MED27: variants seen among roughly 807,000 people sequenced by gnomAD.
The protein encoded by MED27 is mediator complex subunit 27.
Under a neutral mutation model 38.2 loss-of-function variants are expected in MED27, and 30 were observed. The ratio of observed to expected loss-of-function variants is 0.79; its 90% CI spans 0.59 to 1.07. The LOEUF is 1.07. Ranked by LOEUF, MED27 falls within the 50% of genes least tolerant of loss-of-function variation. The pLI is 0.00. For synonymous variants in MED27, 122 were observed against 153.5 expected (o/e 0.79, Z 1.52); for missense variants, 289 against 397.5 (o/e 0.73, Z 2.32).
chr9:131,954,442 C>T (rs71503130), intron 3 of MED27, among the ~76,000 whole-genome samples: 1 of 152,178 alleles, frequency 6.6e-6, no homozygotes, highest in African/African-American at 2.4e-5. Context: ...AGGAGTCTAC[C>T]TGAGACAGGT....
At chr9:132,027,736 C>A (rs1259735560) in intron 2 of MED27, among the ~76,000 whole-genome samples, 1 of 152,338 alleles carries the variant, frequency 6.6e-6, no homozygotes, top group Non-Finnish European at 1.5e-5. Context: ...AATAGTCATA[C>A]ATTTTGCTGC....
intron 6 of MED27, among the ~76,000 whole-genome samples, chr9:131,879,459 C>G (rs1838997058): frequency 6.6e-6 from 1 of 152,206 alleles, no homozygotes; most frequent in Non-Finnish European, 1.5e-5. Flanking sequence ...CTCTGCGGTT[C>G]TACCTCAGCT....
intron 4 of MED27, among the ~76,000 whole-genome samples, chr9:131,907,226 G>GTCTCCC (rs1198437093): frequency 1.3e-5 from 2 of 151,486 alleles, no homozygotes; most frequent in Non-Finnish European, 2.9e-5. Flanking sequence ...TCTCCCCACG[G>GTCTCCC]TCTCCCTCTC....
chr9:131,874,829 C>G (rs182777703), intron 6 of MED27, among the ~76,000 whole-genome samples: 1 of 152,302 alleles, frequency 6.6e-6, no homozygotes, highest in African/African-American at 2.4e-5. Flanking sequence ...AGAGTCCAAG[C>G]CCAAAGACAC....
chr9:131,930,230 A>C (rs1027593901), intron 4 of MED27, among the ~76,000 whole-genome samples: 3 of 152,228 alleles, frequency 2.0e-5, no homozygotes, highest in Non-Finnish European at 4.4e-5. Flanking sequence ...AAACTAGAGA[A>C]AGACAGCAAC....
chr9:131,883,080 T>C lies in MED27; in HGVS notation c.723+978A>G, dbSNP rs1839076986. Among the ~76,000 whole-genome samples the C allele has an allele frequency of 6.6e-6, 1 of 152,184 alleles. No individual in the cohort carries two copies. The highest frequency in any genetic ancestry group is 2.4e-5 in the African/African-American group (1 of 41,442). ...CCGCCACCATGCCCGGCTAATTTTA[T>C]ATTTTTAGTACAGACAGGGTTTTGC... On this transcript the variant is annotated intron_variant, in intron 6 of 7. Transcript: ENST00000292035. The surrounding 1 kb of genome is among the most constrained non-coding windows in gnomAD (Gnocchi z 4.2).
intron 2 of MED27, among the ~76,000 whole-genome samples, chr9:132,049,629 G>A (rs962903042): frequency 4.6e-5 from 7 of 152,272 alleles, no homozygotes; most frequent in South Asian, 4.1e-4. Context: ...CAGCCCAGCC[G>A]GGAAACCAGC....
chr9:132,048,670 C>A (rs148942727), intron 2 of MED27, among the ~76,000 whole-genome samples: 1 of 152,330 alleles, frequency 6.6e-6, no homozygotes, highest in African/African-American at 2.4e-5. Flanking sequence ...CCCCTCTGGA[C>A]CTGTCAGCTC....
rs891516866 is a variant in MED27 at position 131,860,926 on chromosome 9, G to A, written c.802-254C>T. 1.3e-5 allele frequency among the ~76,000 whole-genome samples: 2 copies of A among 152,094 alleles called. No individual in the cohort carries two copies. Among genetic ancestry groups the A allele is most frequent in the Non-Finnish European group, 1.5e-5 (1 of 68,018 alleles). ...AACCCCTACTCTCAAAAGCAGGAAG[G>A]CCTCCCTGGAGTCCCCGTGAACCAC... On this transcript the variant is annotated intron_variant, in intron 7 of 7. Transcript: ENST00000292035. This position sits in a 1 kb window ranked among gnomAD's most constrained non-coding sequence, Gnocchi z 5.8.
intron 2 of MED27, among the ~76,000 whole-genome samples, chr9:132,050,777 G>A (rs1052510748): frequency 3.3e-5 from 5 of 152,130 alleles, no homozygotes; most frequent in African/African-American, 9.7e-5. Flanking sequence ...CCGTCTTTCT[G>A]TAGCCCTTAT....
At chr9:132,047,871 G>A (rs892656217) in intron 2 of MED27, among the ~76,000 whole-genome samples, 8 of 151,972 alleles carry the variant, frequency 5.3e-5, no homozygotes, top group Admixed American at 3.3e-4. Context: ...AGCTAAAAAC[G>A]AAAACATTTA....
At chr9:131,994,906 A>G (rs1832058798) in intron 3 of MED27, among the ~76,000 whole-genome samples, 1 of 152,190 alleles carries the variant, frequency 6.6e-6, no homozygotes, top group Non-Finnish European at 1.5e-5. Flanking sequence ...GTTTACAGAC[A>G]GGTCACTCTG....
In MED27 at chr9:131,893,987, G is replaced by A. The variant is rs1829777193; in HGVS notation, c.579C>T (p.Thr193=). The A allele has an allele frequency of 1.2e-6, 2 of 1,613,710 alleles. No homozygotes were observed. The highest frequency in any genetic ancestry group is 2.7e-5 in the African/African-American group (2 of 74,906). Residue 193 remains threonine, a synonymous_variant, in exon 5 of 8, where the codon ACC becomes ACT. Transcript: ENST00000292035. ...PNGTSAMLLV[T]LGKVLKVIVV... is the part of the protein sequence containing the mutation. The stretch of plus-strand genomic sequence containing the variant: ...CGATCACTTTCAACACCTTTCCCAA[G>A]GTCACCTGCCAAAACACATGTAAGC...
chr9:131,874,026 T>C (rs1838880584), intron 6 of MED27, among the ~76,000 whole-genome samples: 3 of 152,202 alleles, frequency 2.0e-5, no homozygotes, highest in Admixed American at 2.0e-4. Flanking sequence ...CACAGCCACC[T>C]ACAGGATCCT....
intron 2 of MED27, among the ~76,000 whole-genome samples, chr9:132,059,544 A>AGCAT (rs1429833587): frequency 1.3e-5 from 2 of 152,232 alleles, no homozygotes; most frequent in Non-Finnish European, 2.9e-5. Context: ...CGAGAGATGC[A>AGCAT]GTCATGCTCT....
Position 131,863,145 on chromosome 9 carries a change from G to C in MED27, c.724-5C>G, listed in dbSNP as rs1306047830. On this transcript the variant is annotated splice_region_variant and splice_polypyrimidine_tract_variant and intron_variant, in intron 6 of 7. Transcript: ENST00000292035. ...AGTGGTGGCATGGTCTGTCACCTGA[G>C]AGTGAAGGACAAAGACGAGTTAGCG... The C allele has an allele frequency of 6.2e-7, 1 of 1,613,976 alleles. No homozygotes were observed. Among genetic ancestry groups the C allele is most frequent in the East Asian group, 2.2e-5 (1 of 44,880 alleles).
At chr9:132,031,573 GAA>G (rs1832961545) in intron 2 of MED27, among the ~76,000 whole-genome samples, 1 of 152,144 alleles carries the variant, frequency 6.6e-6, no homozygotes, top group African/African-American at 2.4e-5. Flanking sequence ...CAGAGAGGTT[GAA>G]GTGGGAGATC....
intron 2 of MED27, among the ~76,000 whole-genome samples, chr9:132,043,505 AT>A (rs1420954902): frequency 6.6e-6 from 1 of 152,112 alleles, no homozygotes; most frequent in East Asian, 1.9e-4. Context: ...TTTATTATAC[AT>A]CTGCATTTCA....
intron 2 of MED27, among the ~76,000 whole-genome samples, chr9:132,025,864 A>G (rs945340575): frequency 6.6e-6 from 1 of 152,232 alleles, no homozygotes; most frequent in African/African-American, 2.4e-5. Context: ...TTGTTGAGCC[A>G]TTAACACTTA....
Sources: allele counts gnomAD v4.1 joint callset (sites outside exome capture counted in the v4.1 genomes callset), GRCh38; gene constraint gnomAD v4.1.1; non-coding constraint Gnocchi (gnomAD v3.1); transcripts MANE v1.5; gene names NCBI Gene and HGNC (gene_info 2026-07-23, HGNC 2026-07-21).